The following PRXL2C variants were observed in gnomAD, a reference collection of about 807,000 sequenced individuals.
PRXL2C encodes peroxiredoxin like 2C.
A neutral mutation model predicts 24.9 loss-of-function variants in PRXL2C; 38 were observed. That is an observed-to-expected ratio of 1.53 (90% CI 1.18 to 2.00). PRXL2C has a LOEUF of 2.00. Among genes scored for constraint, PRXL2C ranks in the 30% most tolerant of loss-of-function variants. PRXL2C has a pLI of 0.00. For synonymous variants in PRXL2C, 98 were observed against 117.2 expected, an observed-to-expected ratio of 0.84 and a Z score of 1.06; for missense variants, 294 against 290.9, an observed-to-expected ratio of 1.01 and a Z score of -0.08.
At chr9:96,649,545 C>G (rs2119184946) in intron 4 of PRXL2C, among the ~76,000 whole-genome samples, 1 of 138,038 alleles carries the variant, frequency 7.2e-6, no homozygotes, top group East Asian at 1.9e-4. Flanking sequence ...GCCTAGACAA[C>G]AAGAGTGAAA....
chr9:96,643,469 A>G (rs1848146561), intron 5 of PRXL2C, among the ~76,000 whole-genome samples: 1 of 152,132 alleles, frequency 6.6e-6, no homozygotes, highest in Admixed American at 6.5e-5. Context: ...GATTGTCTCG[A>G]TCTCCCGACC....
In PRXL2C at chr9:96,654,291, GT is replaced by G. The variant is rs549490108; in HGVS notation, c.261+413del. ...GTGCCTCAAGAAAAACAACTATGTGGTTTGTCCTAGGGACATGGAACTTGCA... is the reference window on the plus strand; with the variant it reads ...GTGCCTCAAGAAAAACAACTATGTGGTTGTCCTAGGGACATGGAACTTGCA... On this transcript the variant is annotated intron_variant, in intron 2 of 5. Coordinates refer to ENST00000375234, the MANE Select transcript of PRXL2C (RefSeq NM_153698.2). Among the ~76,000 whole-genome samples, 14 of 152,274 alleles carry G rather than the reference GT, an allele frequency of 9.2e-5. No individual in the cohort carries two copies. In the South Asian group the frequency reaches 2.7e-3, roughly 29 times the overall value.
intron 4 of PRXL2C, among the ~76,000 whole-genome samples, chr9:96,650,338 G>A (rs1263711660): frequency 6.6e-6 from 1 of 152,162 alleles, no homozygotes; most frequent in Admixed American, 6.5e-5. Context: ...TTTGAATTGA[G>A]TTCTCTTATC....
intron 2 of PRXL2C, among the ~76,000 whole-genome samples, chr9:96,652,956 G>A (rs1426682392): frequency 6.6e-6 from 1 of 152,156 alleles, no homozygotes; most frequent in Non-Finnish European, 1.5e-5. Context: ...GGCCGGGCGC[G>A]GTGGCTCACG....
chr9:96,652,503 A>T (rs1848281251), intron 2 of PRXL2C, among the ~76,000 whole-genome samples: 1 of 151,386 alleles, frequency 6.6e-6, no homozygotes, highest in South Asian at 2.1e-4. Context: ...CCTGGGGGGC[A>T]GAATAAGACT....
chr9:96,643,704 C>G (rs930368975), intron 5 of PRXL2C, among the ~76,000 whole-genome samples: 1 of 152,176 alleles, frequency 6.6e-6, no homozygotes, highest in Non-Finnish European at 1.5e-5. Context: ...AGGATTCATT[C>G]TCATTCATCA....
intron 4 of PRXL2C, among the ~76,000 whole-genome samples, chr9:96,651,092 C>T (rs957347747): frequency 1.3e-5 from 2 of 152,066 alleles, no homozygotes; most frequent in African/African-American, 4.8e-5. Context: ...CCCTGGCAAA[C>T]ATGGGGAAAC....
At position 96,641,599 on chromosome 9, in the gene PRXL2C, C is replaced by T. The variant is rs1588098900; in HGVS notation, c.*160G>A. ...ACATATTTTGACAACTGATGCTTCCCAGCATGCAATTCAACAGGTTCAAGC... is the reference window on the plus strand; with the variant it reads ...ACATATTTTGACAACTGATGCTTCCTAGCATGCAATTCAACAGGTTCAAGC... On this transcript the variant is annotated 3_prime_UTR_variant, in exon 6 of 6. Transcript: ENST00000375234. The T allele has an allele frequency of 1.9e-6, 1 of 533,460 alleles. No individual in the cohort carries two copies. Among genetic ancestry groups the T allele is most frequent in the Non-Finnish European group, 3.0e-6 (1 of 335,244 alleles). The allele number at this position is 533,460 out of a possible 1,614,324, so 33.0% of individuals were successfully genotyped here.
intron 5 of PRXL2C, among the ~76,000 whole-genome samples, chr9:96,643,823 C>G (rs1848152692): frequency 6.6e-6 from 1 of 151,992 alleles, no homozygotes; most frequent in African/African-American, 2.4e-5. Context: ...ATTACTCAGT[C>G]AAAACCCTCC....
At chr9:96,646,895 A>G (rs1396339414) in intron 4 of PRXL2C, among the ~76,000 whole-genome samples, 1 of 152,138 alleles carries the variant, frequency 6.6e-6, no homozygotes, top group East Asian at 1.9e-4. Flanking sequence ...GATTCAAGCA[A>G]TTCTCCTACC....
Position 96,655,222 on chromosome 9 carries a change from G to A in PRXL2C, c.60C>T (p.Ala20=), listed in dbSNP as rs1588105060. 7 of 1,156,324 alleles carry A rather than the reference G, an allele frequency of 6.1e-6. No individual in the cohort carries two copies. Among genetic ancestry groups the A allele is most frequent in the Non-Finnish European group, 6.4e-6 (6 of 940,796 alleles). The allele number at this position is 1,156,324 out of a possible 1,614,324, so 71.6% of individuals were successfully genotyped here. The change falls in exon 1 of 6, where the codon GCC becomes GCT. Residue 20 remains alanine, a synonymous_variant. Coordinates refer to ENST00000375234, the MANE Select transcript of PRXL2C (RefSeq NM_153698.2). ...GCTGCCCGCTGTCGGGGCCGCTCGG[G>A]GCCGGGACCAGGGCGGCGGCGCCGC... ...QVSGAAALVP[A]PSGPDSGQPL... is the part of the protein sequence containing the mutation.
In PRXL2C at chr9:96,643,554, C is replaced by T. The variant is rs1007785005; in HGVS notation, c.554-1668G>A. ...AGCCACTGCGCCCAGCCCATGTACT[C>T]TTTATTCTTACACAACAGAAGATGT... On this transcript the variant is annotated intron_variant, in intron 5 of 5. Transcript: ENST00000375234. 9.9e-5 allele frequency among the ~76,000 whole-genome samples: 15 copies of T among 152,072 alleles called. 1 individual carries two copies. Among genetic ancestry groups the T allele is most frequent in the Admixed American group, 2.6e-4 (4 of 15,250 alleles).
chr9:96,653,798 A>G (rs1028300296), intron 2 of PRXL2C, among the ~76,000 whole-genome samples: 1 of 152,200 alleles, frequency 6.6e-6, no homozygotes, highest in Admixed American at 6.5e-5. Flanking sequence ...AATTCTCTAT[A>G]TTCTCCCCAA....
At chr9:96,651,366 T>C (rs376778633) in intron 4 of PRXL2C, 24 bp downstream of exon 4, 7 of 1,502,586 alleles carry the variant, frequency 4.7e-6, no homozygotes, top group East Asian at 4.5e-5. Flanking sequence ...CAGTGTTTTC[T>C]ATTTGAGACA....
intron 1 of PRXL2C, 92 bp downstream of exon 1, chr9:96,654,998 C>T: frequency 7.3e-7 from 1 of 1,366,400 alleles, no homozygotes; most frequent in Non-Finnish European, 9.5e-7. Flanking sequence ...CTTCCCGTTT[C>T]CGTCCTAAGA....
chr9:96,651,558 A>G, intron 3 of PRXL2C, 63 bp from the exon 4 acceptor site: 1 of 1,541,852 alleles, frequency 6.5e-7, no homozygotes, highest in African/African-American at 1.4e-5. Flanking sequence ...ATGATACTCT[A>G]ACTTCAGCCA....
At chr9:96,649,287 G>A (rs951306173) in intron 4 of PRXL2C, among the ~76,000 whole-genome samples, 10 of 151,278 alleles carry the variant, frequency 6.6e-5, no homozygotes, top group Admixed American at 4.6e-4. Flanking sequence ...TAAAGGAGCC[G>A]GGTGCGGTGG....
intron 2 of PRXL2C, among the ~76,000 whole-genome samples, chr9:96,653,569 G>A (rs1455960396): frequency 6.6e-6 from 1 of 152,152 alleles, no homozygotes; most frequent in East Asian, 1.9e-4. Context: ...ATTGCTAAAA[G>A]ACTAGTTTTT....
chr9:96,647,545 C>A (rs1201665613), intron 4 of PRXL2C, among the ~76,000 whole-genome samples: 2 of 152,126 alleles, frequency 1.3e-5, no homozygotes, highest in Non-Finnish European at 2.9e-5. Context: ...TTTTAAGAGA[C>A]AGGGTCATGC....
Sources: gnomAD v4.1 joint callset for allele counts (sites outside exome capture counted in the v4.1 genomes callset) on GRCh38, gnomAD v4.1.1 for gene constraint, MANE v1.5 for transcripts, NCBI Gene and HGNC (gene_info 2026-07-23, HGNC 2026-07-21) for gene names.